The following AKR1B15 variants were observed in gnomAD, a reference collection of about 807,000 sequenced individuals.
AKR1B15 encodes estradiol 17-beta-dehydrogenase AKR1B15.
Under a neutral mutation model 38.5 loss-of-function variants are expected in AKR1B15, and 49 were observed. The ratio of observed to expected loss-of-function variants is 1.27; its 90% CI spans 1.01 to 1.62. AKR1B15 has a LOEUF of 1.62. Among genes scored for constraint, AKR1B15 ranks in the 40% most tolerant of loss-of-function variants. The pLI, the probability that AKR1B15 is intolerant of heterozygous loss-of-function variation, is 0.00. For synonymous variants in AKR1B15, 137 were observed against 135.5 expected (o/e 1.01, Z -0.08); for missense variants, 411 against 381.6 (o/e 1.08, Z -0.64).
chr7:134,557,125 G>GAGTACTAA (rs1352692439), intron 2 of AKR1B15, among the ~76,000 whole-genome samples: 9 of 152,128 alleles, frequency 5.9e-5, no homozygotes, highest in African/African-American at 9.7e-5. Flanking sequence ...CTCATTCCTG[G>GAGTACTAA]AGTACCAAAG....
In AKR1B15 at chr7:134,575,429, G is replaced by A. The variant is rs756743854; in HGVS notation, c.523G>A (p.Glu175Lys). 8 of 1,613,684 alleles carry A rather than the reference G, an allele frequency of 5.0e-6. No individual in the cohort carries two copies. Among genetic ancestry groups the A allele is most frequent in the South Asian group, 4.4e-5 (4 of 91,062 alleles). ...TTCCTTTCTATGATAGGCCATGGAG[G>A]AGCTGGTGGACGAGGGGCTGGTGAA... ...TFLDAWEAMEELVDEGLVKAL... is the reference protein window; with the variant it reads ...TFLDAWEAMEKLVDEGLVKAL... The change falls in exon 7 of 12, where the codon GAG (glutamate) becomes AAG (lysine). Residue 175 changes from glutamate (E) to lysine (K), a missense_variant. Physicochemically the swap from Glu to Lys is moderately conservative, Grantham distance 56. This residue lies in a region of AKR1B15 where 254 missense variants were observed against 212.4 expected (regional missense o/e 1.20). Transcript: ENST00000457545.
intron 3 of AKR1B15, chr7:134,565,683 C>T (rs1334205366): frequency 1.4e-5 from 20 of 1,469,050 alleles, no homozygotes; most frequent in African/African-American, 9.9e-5. Context: ...AGCTGGGACT[C>T]GGGTTGCTTT....
At chr7:134,570,281 G>C (rs1424937374) in intron 5 of AKR1B15, 2 of 152,116 alleles carry the variant, frequency 1.3e-5, no homozygotes, top group African/African-American at 4.8e-5. Context: ...CTGATAAGAC[G>C]TTATCAATGA....
chr7:134,576,790 G>C (rs1423316098), intron 9 of AKR1B15, among the ~76,000 whole-genome samples, 173 bp from the exon 10 acceptor site: 1 of 151,848 alleles, frequency 6.6e-6, no homozygotes, highest in African/African-American at 2.4e-5. Flanking sequence ...CTAAGGTGAA[G>C]GGAGAGAAAG....
chr7:134,567,550 A>AT (rs61092887), intron 3 of AKR1B15, among the ~76,000 whole-genome samples: 3 of 151,394 alleles, frequency 2.0e-5, no homozygotes, highest in East Asian at 1.9e-4. Flanking sequence ...GGCTGGTGCT[A>AT]TTTTTTTTTC....
chr7:134,565,456 A>G (rs1794511040), intron 3 of AKR1B15: 1 of 1,612,674 alleles, frequency 6.2e-7, no homozygotes. Flanking sequence ...CTACCTGCTC[A>G]CTCAGAATCA....
At chr7:134,561,513 T>C (rs1208740666) in intron 2 of AKR1B15, among the ~76,000 whole-genome samples, 1 of 152,218 alleles carries the variant, frequency 6.6e-6, no homozygotes, top group Non-Finnish European at 1.5e-5. Flanking sequence ...GGACCATGCA[T>C]GTATTATTAA....
At chr7:134,575,289 T>C in intron 6 of AKR1B15, 131 bp from the exon 7 acceptor site, 1 of 1,418,894 alleles carries the variant, frequency 7.0e-7, no homozygotes, top group South Asian at 1.6e-5. Flanking sequence ...GACTGAAATT[T>C]CCTGTGAATG....
rs140213694 is a variant in AKR1B15 at position 134,572,128 on chromosome 7, C to T, written c.513+447C>T. Among the ~76,000 whole-genome samples, 237 of 152,142 alleles carry T rather than the reference C, an allele frequency of 1.6e-3. 1 individual carries two copies. The highest frequency in any genetic ancestry group is 5.3e-3 in the African/African-American group (220 of 41,480). On this transcript the variant is annotated intron_variant, in intron 6 of 11. Transcript: ENST00000457545. ...ATAAAACTTAAGATGGTTTACGTGC[C>T]GGGAACATCAGTCATAAAGCCCATG...
intron 6 of AKR1B15, 93 bp downstream of exon 6, chr7:134,571,774 C>A: frequency 1.0e-6 from 1 of 986,042 alleles, no homozygotes. Context: ...GTGCCTGATG[C>A]TTTCTAATTT....
chr7:134,568,375 G>A (rs1408002951), intron 4 of AKR1B15, 50 bp downstream of exon 4: 2 of 1,605,242 alleles, frequency 1.2e-6, no homozygotes, highest in Non-Finnish European at 1.7e-6. Context: ...GCAGGCAGAA[G>A]TATCTGGATC....
chr7:134,550,465 AG>A lies in AKR1B15; in HGVS notation c.-147+1223del, dbSNP rs373665835. Among the ~76,000 whole-genome samples, 5 of 152,252 alleles carry A rather than the reference AG, an allele frequency of 3.3e-5. No individual in the cohort carries two copies. In the South Asian group the frequency reaches 6.2e-4, roughly 19 times the overall value. ...AAGTTATTTGGGATATAAGTCAAGA[AG>A]GGGGGGTCACCTAAGTCCCACTGGC... On this transcript the variant is annotated intron_variant, in intron 1 of 11. Transcript: ENST00000457545.
chr7:134,554,758 C>T lies in AKR1B15; in HGVS notation c.-146-1978C>T, dbSNP rs139019974. On this transcript the variant is annotated intron_variant, in intron 1 of 11. Transcript: ENST00000457545. ...GGACTGAGGCATTTGCCACCAAAAACGAAACTGCTACCACGGTAGTTAAGC... is the reference window on the plus strand; with the variant it reads ...GGACTGAGGCATTTGCCACCAAAAATGAAACTGCTACCACGGTAGTTAAGC... 9.5e-3 allele frequency among the ~76,000 whole-genome samples: 1,451 copies of T among 152,266 alleles called. 15 individuals are homozygous for T. The highest frequency in any genetic ancestry group is 0.033 in the African/African-American group (1,383 of 41,560).
Position 134,564,722 on chromosome 7 carries a change from C to A in AKR1B15, c.103C>A (p.Leu35Met), listed in dbSNP as rs1254471060. 3 of 696,762 alleles carry A rather than the reference C, an allele frequency of 4.3e-6. No individual in the cohort carries two copies. The African/African-American group carries it at 5.2e-5, about 12-fold the overall frequency. The allele number at this position is 696,762 out of a possible 1,614,324, so 43.2% of individuals were successfully genotyped here. ...TTTGACTGGCCTAAAGAGTTCCCTT[C>A]TGAAGGACACTACAAGTGCAGGGCC... ...GPLTGLKSSL[L>M]KDTTSAGPLL... Residue 35 changes from leucine (L) to methionine (M), a missense_variant, in exon 3 of 12, where the codon CTG becomes ATG. By Grantham distance (15) the Leu-to-Met change is conservative (BLOSUM62 2). Around this residue, in one of 3 missense-constraint regions of AKR1B15, gnomAD observed 254 missense variants for 212.4 expected, o/e 1.20. Coordinates refer to ENST00000457545, the MANE Select transcript of AKR1B15 (RefSeq NM_001080538.3).
intron 4 of AKR1B15, among the ~76,000 whole-genome samples, chr7:134,568,742 T>A (rs1794600013): frequency 6.6e-6 from 1 of 152,184 alleles, no homozygotes; most frequent in African/African-American, 2.4e-5. Flanking sequence ...TTTTCTATTA[T>A]CACATGTGAT....
At chr7:134,575,038 T>C (rs1174950007) in intron 6 of AKR1B15, among the ~76,000 whole-genome samples, 1 of 152,252 alleles carries the variant, frequency 6.6e-6, no homozygotes, top group Non-Finnish European at 1.5e-5. Flanking sequence ...CCTGCTATCA[T>C]TTGGATTCAT....
At chr7:134,565,855 G>A (rs906129385) in intron 3 of AKR1B15, among the ~76,000 whole-genome samples, 2 of 152,152 alleles carry the variant, frequency 1.3e-5, no homozygotes, top group African/African-American at 4.8e-5. Context: ...TTGGGCACAA[G>A]GTTTCCCCAG....
intron 11 of AKR1B15, among the ~76,000 whole-genome samples, chr7:134,579,097 C>G (rs577351790): frequency 1.3e-5 from 2 of 152,178 alleles, no homozygotes; most frequent in Non-Finnish European, 1.5e-5. Flanking sequence ...ATCCATTGAA[C>G]CTTAGCTTAG....
chr7:134,562,334 G>A (rs1170541487), intron 2 of AKR1B15, among the ~76,000 whole-genome samples: 1 of 152,164 alleles, frequency 6.6e-6, no homozygotes, highest in East Asian at 1.9e-4. Context: ...GGTTGCCTAA[G>A]CGTTGCTGCT....
Sources: allele counts gnomAD v4.1 joint callset (sites outside exome capture counted in the v4.1 genomes callset), GRCh38; gene constraint gnomAD v4.1.1; regional missense constraint gnomAD v4.1.1; transcripts MANE v1.5; gene names NCBI Gene and HGNC (gene_info 2026-07-23, HGNC 2026-07-21).